AIM2: variants seen among roughly 807,000 people sequenced by gnomAD.
The protein encoded by AIM2 is absent in melanoma 2.
Under a neutral mutation model 27.7 loss-of-function variants are expected in AIM2, and 30 were observed. That is an observed-to-expected ratio of 1.08 (90% CI 0.81 to 1.47). The LOEUF is 1.47. AIM2 is among the 40% of genes most tolerant of loss of function. The probability of loss-of-function intolerance (pLI) is 0.00; values close to 1 mark genes in which losing one functional copy is unlikely to be tolerated. For missense variants in AIM2, 358 were observed against 411.3 expected, an observed-to-expected ratio of 0.87 and a Z score of 1.12; for synonymous variants, 141 against 145.3, an observed-to-expected ratio of 0.97 and a Z score of 0.21.
intron 1 of AIM2, among the ~76,000 whole-genome samples, chr1:159,075,990 A>G (rs1570949803): frequency 6.6e-6 from 1 of 152,228 alleles, no homozygotes; most frequent in East Asian, 1.9e-4. Flanking sequence ...CGCTGGAGAA[A>G]CTCTACTTAT....
chr1:159,068,580 A>G lies in AIM2; in HGVS notation c.384T>C (p.Ser128=). 1 of 1,612,576 alleles carries G rather than the reference A, an allele frequency of 6.2e-7. No individual in the cohort carries two copies. The highest frequency in any genetic ancestry group is 1.7e-4 in the Middle Eastern group (1 of 6,056). The change falls in exon 3 of 6, where the codon TCT becomes TCC. Residue 128 remains serine (S), a synonymous_variant. Coordinates refer to ENST00000368130, the MANE Select transcript of AIM2 (RefSeq NM_004833.3). ...CTCCTTATCCTACCTTAACATGAGG[A>G]GAGACTTTTGGTGCAGCACGTTGCT... ...VAKQRAAPKV[S]PHVKPEQKQM...
At chr1:159,127,494 T>G (rs1449216567) in intron 1 of AIM2, among the ~76,000 whole-genome samples, 1 of 152,234 alleles carries the variant, frequency 6.6e-6, no homozygotes, top group African/African-American at 2.4e-5. Context: ...GCAAAGTCTC[T>G]GGTATTATCA....
At chr1:159,090,459 G>A (rs1482755616) in intron 1 of AIM2, among the ~76,000 whole-genome samples, 5 of 152,192 alleles carry the variant, frequency 3.3e-5, no homozygotes, top group Non-Finnish European at 7.4e-5. Context: ...CTGCTAGAAA[G>A]CGTGTGACTG....
intron 1 of AIM2, among the ~76,000 whole-genome samples, chr1:159,086,766 GA>G (rs1656923330): frequency 6.6e-6 from 1 of 152,178 alleles, no homozygotes; most frequent in African/African-American, 2.4e-5. Flanking sequence ...TTAGTCTATT[GA>G]AGGCTGTCAG....
intron 1 of AIM2, among the ~76,000 whole-genome samples, chr1:159,086,626 T>C (rs1266223497): frequency 6.6e-6 from 1 of 152,332 alleles, no homozygotes; most frequent in African/African-American, 2.4e-5. Flanking sequence ...TGTTGTTTAT[T>C]TTCCCATCAT....
chr1:159,107,503 C>T (rs1482921809), intron 1 of AIM2, among the ~76,000 whole-genome samples: 1 of 151,936 alleles, frequency 6.6e-6, no homozygotes, highest in Non-Finnish European at 1.5e-5. Flanking sequence ...ATGCAGCCAC[C>T]TTGGGAAGAA....
chr1:159,129,803 A>G (rs1055382332), intron 1 of AIM2, among the ~76,000 whole-genome samples: 2 of 152,204 alleles, frequency 1.3e-5, no homozygotes, highest in African/African-American at 2.4e-5. Context: ...TCTTTATGAG[A>G]TAACTTCCAT....
At chr1:159,138,789 C>T (rs946065085) in intron 1 of AIM2, among the ~76,000 whole-genome samples, 2 of 152,140 alleles carry the variant, frequency 1.3e-5, no homozygotes, top group Non-Finnish European at 2.9e-5. Context: ...CAAATGCCTA[C>T]CATATTTCAG....
chr1:159,102,506 T>C (rs1056561013), intron 1 of AIM2, among the ~76,000 whole-genome samples: 1 of 152,170 alleles, frequency 6.6e-6, no homozygotes, highest in Non-Finnish European at 1.5e-5. Flanking sequence ...ACAAACAGCT[T>C]GCCCCATGTG....
chr1:159,069,034 T>C (rs112788932), intron 2 of AIM2, among the ~76,000 whole-genome samples: 2,045 of 151,546 alleles, frequency 0.013, 56 homozygotes, highest in African/African-American at 0.046. Context: ...CCCAGCTACT[T>C]GGGAGGCTGA....
At chr1:159,102,187 A>G (rs1165289361) in intron 1 of AIM2, among the ~76,000 whole-genome samples, 2 of 152,232 alleles carry the variant, frequency 1.3e-5, no homozygotes, top group African/African-American at 4.8e-5. Context: ...GTACAGCTCA[A>G]TCCAGTGCTT....
downstream of AIM2, among the ~76,000 whole-genome samples, chr1:159,062,162 G>T (rs958335455): frequency 1.3e-5 from 2 of 151,706 alleles, no homozygotes; most frequent in African/African-American, 4.8e-5. Flanking sequence ...TTTTCCATTG[G>T]GCTTTATGCT....
chr1:159,136,155 T>C (rs1648006828), intron 1 of AIM2, among the ~76,000 whole-genome samples: 1 of 152,160 alleles, frequency 6.6e-6, no homozygotes, highest in African/African-American at 2.4e-5. Flanking sequence ...AAATACATTA[T>C]GCATGTCTTG....
chr1:159,058,892 C>T (rs961986493), downstream of AIM2, among the ~76,000 whole-genome samples: 1 of 151,974 alleles, frequency 6.6e-6, no homozygotes, highest in African/African-American at 2.4e-5. Context: ...GTGCACTTCC[C>T]GCCTCACAGT....
intron 1 of AIM2, among the ~76,000 whole-genome samples, chr1:159,114,967 T>C (rs1415893830): frequency 1.3e-5 from 2 of 152,240 alleles, no homozygotes; most frequent in South Asian, 2.1e-4. Context: ...CTTAAGCTGA[T>C]AGGCAACTTC....
chr1:159,070,289 C>G (rs1418461641), intron 2 of AIM2, among the ~76,000 whole-genome samples: 1 of 152,146 alleles, frequency 6.6e-6, no homozygotes, highest in African/African-American at 2.4e-5. Context: ...ATCATAAGAA[C>G]CTAAAAGCTT....
At chr1:159,120,232 T>C (rs909282396) in intron 1 of AIM2, among the ~76,000 whole-genome samples, 1 of 152,172 alleles carries the variant, frequency 6.6e-6, no homozygotes, top group African/African-American at 2.4e-5. Context: ...TACGATTTCC[T>C]TGAGTACTTT....
chr1:159,077,188 C>A (rs1656641915), upstream of AIM2, among the ~76,000 whole-genome samples: 1 of 152,006 alleles, frequency 6.6e-6, no homozygotes, highest in Non-Finnish European at 1.5e-5. Flanking sequence ...ACCAACGACA[C>A]CCTCAAGGGA....
intron 1 of AIM2, among the ~76,000 whole-genome samples, chr1:159,114,860 G>A (rs1647291056): frequency 6.6e-6 from 1 of 152,200 alleles, no homozygotes; most frequent in Non-Finnish European, 1.5e-5. Context: ...AGGAAATAAA[G>A]GGTATTCAGT....
Sources: gnomAD v4.1 joint callset for allele counts (sites outside exome capture counted in the v4.1 genomes callset) on GRCh38, gnomAD v4.1.1 for gene constraint, MANE v1.5 for transcripts, NCBI Gene and HGNC (gene_info 2026-07-23, HGNC 2026-07-21) for gene names.